RALGAPA1: variants seen among roughly 807,000 people sequenced by gnomAD.
The protein encoded by RALGAPA1 is Ral GTPase activating protein catalytic subunit alpha 1, also known as ral GTPase-activating protein subunit alpha-1.
A neutral mutation model predicts 269.6 loss-of-function variants in RALGAPA1; 52 were observed. The observed-to-expected ratio is 0.19, with a 90% CI of 0.15 to 0.24. The LOEUF (loss-of-function observed/expected upper bound fraction) is 0.24. Ranked by LOEUF, RALGAPA1 falls within the 10% of genes least tolerant of loss-of-function variation. The probability of loss-of-function intolerance (pLI) is 1.00; values close to 1 mark genes in which losing one functional copy is unlikely to be tolerated. For synonymous variants in RALGAPA1, 817 were observed against 1,008.3 expected, an observed-to-expected ratio of 0.81 and a Z score of 3.60; for missense variants, 1,917 against 3,013.9, an observed-to-expected ratio of 0.64 and a Z score of 8.52.
rs113802665 is a variant in RALGAPA1 at position 35,716,687 on chromosome 14, G to T, written c.2266+5001C>A. On this transcript the variant is annotated intron_variant, in intron 16 of 41. Coordinates refer to ENST00000680220, the MANE Select transcript of RALGAPA1 (RefSeq NM_001346249.2). ...CCATGGGAGTTCATATATTGCATTT[G>T]GTTATTGTCTCTTGAGCCTAAAACA... Among the ~76,000 whole-genome samples, 69 of 152,106 alleles carry T rather than the reference G, an allele frequency of 4.5e-4. 2 individuals carry two copies. Among genetic ancestry groups the T allele is most frequent in the African/African-American group, 1.4e-3 (60 of 41,492 alleles).
chr14:35,657,579 A>G (rs1160926942), intron 28 of RALGAPA1, among the ~76,000 whole-genome samples: 1 of 151,978 alleles, frequency 6.6e-6, no homozygotes, highest in African/African-American at 2.4e-5. Flanking sequence ...GGGTTTTTCC[A>G]TATTCTCCAT....
At chr14:35,582,975 C>T (rs1250473989) in intron 37 of RALGAPA1, among the ~76,000 whole-genome samples, 1 of 152,118 alleles carries the variant, frequency 6.6e-6, no homozygotes, top group Non-Finnish European at 1.5e-5. Flanking sequence ...CCTCCCCTTC[C>T]CCCACACCTT....
rs550104562 is a variant in RALGAPA1, at chr14:35,545,716, A to G, written c.*23+2792T>C. On this transcript the variant is annotated intron_variant, in intron 41 of 41. Coordinates refer to ENST00000680220, the MANE Select transcript of RALGAPA1 (RefSeq NM_001346249.2). ...AAAGTTAAACCAATTAATATTTACT[A>G]TACACTTTCAGCAAAACAGGATCCT... Among the ~76,000 whole-genome samples the G allele has an allele frequency of 3.4e-4, 51 of 152,164 alleles. 1 individual carries two copies. In the South Asian group the frequency reaches 1.0e-2, roughly 30 times the overall value.
intron 37 of RALGAPA1, among the ~76,000 whole-genome samples, chr14:35,582,738 T>G (rs1413891782): frequency 6.6e-6 from 1 of 152,152 alleles, no homozygotes; most frequent in Admixed American, 6.5e-5. Context: ...AAACAATTAT[T>G]TGAAACACAC....
intron 12 of RALGAPA1, among the ~76,000 whole-genome samples, chr14:35,732,171 CA>C (rs1438548688): frequency 6.6e-6 from 1 of 152,062 alleles, no homozygotes; most frequent in Non-Finnish European, 1.5e-5. Flanking sequence ...CAGTCTTTTT[CA>C]GATAAACAAA....
In RALGAPA1 at chr14:35,786,276, C is replaced by G. The variant is rs543705001; in HGVS notation, c.107-10531G>C. ...TCCTGTTATAAATTCACCAGTAAAA[C>G]AGGGTTTTAAAAAGTAGAGTGATAC... On this transcript the variant is annotated intron_variant, in intron 1 of 41. Coordinates refer to ENST00000680220, the MANE Select transcript of RALGAPA1 (RefSeq NM_001346249.2). Among the ~76,000 whole-genome samples the G allele has an allele frequency of 2.1e-3, 325 of 152,198 alleles. 4 individuals carry two copies. Among genetic ancestry groups the G allele is most frequent in the African/African-American group, 7.5e-3 (312 of 41,534 alleles).
intron 4 of RALGAPA1, among the ~76,000 whole-genome samples, chr14:35,763,769 G>A (rs1315298023): frequency 2.1e-5 from 3 of 145,938 alleles, no homozygotes; most frequent in East Asian, 2.2e-4. Context: ...GAGTTTCCCC[G>A]GGGTGTGTAT....
At chr14:35,799,670 A>T (rs1187763924) in intron 1 of RALGAPA1, among the ~76,000 whole-genome samples, 1 of 152,174 alleles carries the variant, frequency 6.6e-6, no homozygotes, top group African/African-American at 2.4e-5. Context: ...ATTCAAAAGA[A>T]GGGAGAAAAA....
chr14:35,700,933 T>A (rs1458401315), intron 16 of RALGAPA1, among the ~76,000 whole-genome samples: 2 of 152,172 alleles, frequency 1.3e-5, no homozygotes, highest in African/African-American at 2.4e-5. Context: ...ATAATTAAAA[T>A]TTTTACATAG....
At chr14:35,642,283 A>G (rs1313711736) in intron 31 of RALGAPA1, among the ~76,000 whole-genome samples, 2 of 152,230 alleles carry the variant, frequency 1.3e-5, no homozygotes, top group Non-Finnish European at 2.9e-5. Flanking sequence ...ACGGCAAAGT[A>G]AATGGTCAAC....
intron 41 of RALGAPA1, among the ~76,000 whole-genome samples, chr14:35,544,486 C>T (rs1448225653): frequency 2.0e-5 from 3 of 152,184 alleles, no homozygotes; most frequent in Non-Finnish European, 4.4e-5. Context: ...GTACCGAGCA[C>T]AGTGTCTGGC....
chr14:35,611,598 C>T (rs1312890259), intron 35 of RALGAPA1, among the ~76,000 whole-genome samples: 1 of 150,420 alleles, frequency 6.6e-6, no homozygotes, highest in African/African-American at 2.4e-5. Context: ...GGCATGGTGG[C>T]ACATGCCTGT....
At chr14:35,628,423 T>C (rs972663056) in intron 33 of RALGAPA1, among the ~76,000 whole-genome samples, 13 of 152,216 alleles carry the variant, frequency 8.5e-5, no homozygotes, top group African/African-American at 3.1e-4. Context: ...TGGTGGCCAC[T>C]GTACTCCAGC....
chr14:35,777,393 G>A (rs542607552), intron 1 of RALGAPA1, among the ~76,000 whole-genome samples: 1 of 152,132 alleles, frequency 6.6e-6, no homozygotes, highest in Non-Finnish European at 1.5e-5. Context: ...ACTAGGCAGC[G>A]TTACCTCTAG....
chr14:35,688,976 T>C lies in RALGAPA1; in HGVS notation c.3435A>G (p.Lys1145=). The change falls in exon 18 of 42, where the codon AAA becomes AAG. Residue 1145 remains lysine, a synonymous_variant. Coordinates refer to ENST00000680220, the MANE Select transcript of RALGAPA1 (RefSeq NM_001346249.2). The stretch of plus-strand genomic sequence containing the variant: ...AAGTAACATGAACACTATTTCGTTT[T>C]TTAGTAGCAATTTTCATGATTTTGG... ...HRAKIMKIAT[K]KRNSVHVTFR... is the part of the protein sequence containing the mutation. The C allele has an allele frequency of 8.1e-7, 1 of 1,235,762 alleles. No individual in the cohort carries two copies. Among genetic ancestry groups the C allele is most frequent in the South Asian group, 4.1e-5 (1 of 24,554 alleles). 76.5% of individuals were successfully genotyped at this position (1,235,762 alleles called of 1,614,324 possible).
chr14:35,744,689 A>G (rs1182344537), intron 10 of RALGAPA1, among the ~76,000 whole-genome samples: 1 of 152,176 alleles, frequency 6.6e-6, no homozygotes, highest in Non-Finnish European at 1.5e-5. Context: ...ATTTTCTTTA[A>G]TCAACTCATT....
intron 1 of RALGAPA1, among the ~76,000 whole-genome samples, chr14:35,805,958 G>A (rs994939803): frequency 2.6e-5 from 4 of 151,998 alleles, no homozygotes; most frequent in Non-Finnish European, 5.9e-5. Context: ...CAAGTCCTGG[G>A]ATTACAGGCA....
intron 17 of RALGAPA1, among the ~76,000 whole-genome samples, chr14:35,698,065 C>G (rs1480895783): frequency 6.6e-6 from 1 of 152,064 alleles, no homozygotes; most frequent in East Asian, 1.9e-4. Context: ...TTTTGATAAT[C>G]AGATATAAAG....
intron 10 of RALGAPA1, among the ~76,000 whole-genome samples, chr14:35,746,633 G>A (rs939278262): frequency 6.6e-5 from 10 of 151,960 alleles, no homozygotes; most frequent in East Asian, 3.9e-4. Context: ...TCTAAATGAC[G>A]AACTTCAAGC....
Sources: gnomAD v4.1 joint callset for allele counts (sites outside exome capture counted in the v4.1 genomes callset) on GRCh38, gnomAD v4.1.1 for gene constraint, MANE v1.5 for transcripts, NCBI Gene and HGNC (gene_info 2026-07-23, HGNC 2026-07-21) for gene names.